Variants in ADAR observed in about 807,000 individuals in gnomAD.
ADAR encodes adenosine deaminase RNA specific.
Under a neutral mutation model 113.2 loss-of-function variants are expected in ADAR, and 41 were observed. The ratio of observed to expected loss-of-function variants is 0.36; its 90% CI spans 0.28 to 0.47. The LOEUF is 0.47. Among genes scored for constraint, ADAR ranks in the 20% least tolerant of loss-of-function variants. The probability of loss-of-function intolerance (pLI) is 1.00; values close to 1 mark genes in which losing one functional copy is unlikely to be tolerated. For missense variants in ADAR, 1,242 were observed against 1,540.9 expected, an observed-to-expected ratio of 0.81 and a Z score of 3.25; for synonymous variants, 605 against 572.6, an observed-to-expected ratio of 1.06 and a Z score of -0.81.
At position 154,598,066 on chromosome 1, in the gene ADAR, T is replaced by G. The variant is rs1482268627; in HGVS notation, c.1786-90A>C. On this transcript the variant is annotated intron_variant, in intron 3 of 14. Coordinates refer to ENST00000368474, the MANE Select transcript of ADAR (RefSeq NM_001111.5). ...GAAGGGATGGGGATGGGGGACTTTA[T>G]TCCCACCACCTGTCAAGGGGTTGGC... The G allele has an allele frequency of 5.5e-6, 8 of 1,461,930 alleles. No homozygotes were observed. The African/African-American group carries it at 1.1e-4, about 20-fold the overall frequency. 90.6% of individuals were successfully genotyped at this position (1,461,930 alleles called of 1,614,324 possible). A position where few individuals can be genotyped will look rare whatever the true frequency, so the allele number is the denominator to read the frequency against.
In ADAR at chr1:154,596,976, T is replaced by C. The variant is rs527888465; in HGVS notation, c.2099A>G (p.Glu700Gly). The change falls in exon 6 of 15, where the codon GAG (glutamate) becomes GGG (glycine). Residue 700 changes from glutamate (E) to glycine (G), a missense_variant. Glu to Gly is a moderately conservative substitution (Grantham distance 98, BLOSUM62 -2). Around this residue, in one of 2 missense-constraint regions of ADAR, gnomAD observed 780 missense variants for 1,057.9 expected, o/e 0.74. Coordinates refer to ENST00000368474, the MANE Select transcript of ADAR (RefSeq NM_001111.5). ...CATGGATTCCAAGTTATCAAGTGAC[T>C]CTGAGATCATACCTTCAGGCTAAAG... ...SDNQPEGMIS[E>G]SLDNLESMMP... The C allele has an allele frequency of 5.5e-5, 89 of 1,614,174 alleles. No homozygotes were observed. The South Asian group carries it at 9.3e-4, about 17-fold the overall frequency.
At chr1:154,603,313 C>T (rs909843318) in intron 1 of ADAR, among the ~76,000 whole-genome samples, 2 of 152,186 alleles carry the variant, frequency 1.3e-5, no homozygotes, top group Non-Finnish European at 2.9e-5. Flanking sequence ...TCACTGCCAT[C>T]CCAGGAGGAT....
At chr1:154,595,213 T>C (rs1697415840) in intron 6 of ADAR, among the ~76,000 whole-genome samples, 1 of 152,082 alleles carries the variant, frequency 6.6e-6, no homozygotes, top group Admixed American at 6.5e-5. Context: ...GCGAGGGATC[T>C]AGGCTACACG....
intron 6 of ADAR, among the ~76,000 whole-genome samples, chr1:154,596,305 C>T (rs145783618): frequency 3.6e-3 from 543 of 152,130 alleles, no homozygotes; most frequent in African/African-American, 0.012. Context: ...TGCAGTGGTG[C>T]GATCTCAGCT....
At position 154,601,995 on chromosome 1, in the gene ADAR, T is replaced by C. The variant is rs766436022; in HGVS notation, c.647A>G (p.His216Arg). The C allele has an allele frequency of 6.2e-7, 1 of 1,614,220 alleles. No individual in the cohort carries two copies. The highest frequency in any genetic ancestry group is 8.5e-7 in the Non-Finnish European group (1 of 1,180,024). The change falls in exon 2 of 15, where the codon CAT becomes CGT. Residue 216 changes from histidine to arginine, a missense_variant. Around this residue, in one of 2 missense-constraint regions of ADAR, gnomAD observed 462 missense variants for 483.1 expected, o/e 0.96. Coordinates refer to ENST00000368474, the MANE Select transcript of ADAR (RefSeq NM_001111.5). The surrounding 1 kb of genome is among the most constrained non-coding windows in gnomAD (Gnocchi z 4.7). Reference sequence around the variant, plus strand: ...GTCTGAGTTTGGGGCTCCTTGGCTATGACCGTCTGGTCTTACCACTCCGCT... The same window carrying C: ...GTCTGAGTTTGGGGCTCCTTGGCTACGACCGTCTGGTCTTACCACTCCGCT... ...QHSGVVRPDG[H>R]SQGAPNSDPS...
Position 154,589,737 on chromosome 1 carries a change from T to G in ADAR, c.2668+20A>C, listed in dbSNP as rs115805812. ...CTTTCAGGCGCCATGGGAGGCGGCA[T>G]GTCTCAGAGCCTCACTCACCTGTTC... is the stretch of plus-strand genomic sequence containing the variant. On this transcript the variant is annotated intron_variant, in intron 8 of 14. Coordinates refer to ENST00000368474, the MANE Select transcript of ADAR (RefSeq NM_001111.5). 4.1e-3 allele frequency: 6,687 copies of G among 1,614,064 alleles called. 25 individuals carry two copies. Among genetic ancestry groups the G allele is most frequent in the Non-Finnish European group, 5.2e-3 (6,148 of 1,179,994 alleles).
At chr1:154,627,941 T>G (rs1571158718) in exon 1 of ADAR, 1 of 366,024 alleles carries the variant, frequency 2.7e-6, no homozygotes, top group Non-Finnish European at 5.4e-6. Flanking sequence ...CCCCACCACG[T>G]AGCCTTCTCT....
At chr1:154,599,964 G>A (rs1235612152) in intron 2 of ADAR, among the ~76,000 whole-genome samples, 1 of 152,182 alleles carries the variant, frequency 6.6e-6, no homozygotes, top group African/African-American at 2.4e-5. Context: ...AGGGGGGATT[G>A]TGGACCTGCT....
chr1:154,597,481 A>C (rs143514821), intron 4 of ADAR, among the ~76,000 whole-genome samples: 19 of 152,090 alleles, frequency 1.2e-4, no homozygotes, highest in Non-Finnish European at 1.5e-4. Flanking sequence ...ACCTAGTTTC[A>C]CCTCTTCCAG....
chr1:154,601,319 G>A lies in ADAR; in HGVS notation c.1323C>T (p.Pro441=), dbSNP rs2101638838. 2.5e-6 allele frequency: 4 copies of A among 1,614,228 alleles called. No homozygotes were observed. Among genetic ancestry groups the A allele is most frequent in the Non-Finnish European group, 3.4e-6 (4 of 1,180,044 alleles). ...CAAAGTCAACATACCCTGCTTTTGA[G>A]GGGCCATTGTAATGAACAGGTGGTT... ...RLKPPVHYNG[P]SKAGYVDFEN... is the part of the protein sequence containing the mutation. The change falls in exon 2 of 15, where the codon CCC becomes CCT. Residue 441 remains proline, a synonymous_variant. Coordinates refer to ENST00000368474, the MANE Select transcript of ADAR (RefSeq NM_001111.5). This position sits in a 1 kb window ranked among gnomAD's most constrained non-coding sequence, Gnocchi z 4.7.
In ADAR at chr1:154,597,286, C is replaced by T. The variant is rs200651742; in HGVS notation, c.1935-19G>A. 2,144 of 1,614,046 alleles carry T rather than the reference C, an allele frequency of 1.3e-3. 4 individuals carry two copies. Among genetic ancestry groups the T allele is most frequent in the Non-Finnish European group, 1.7e-3 (1,982 of 1,180,010 alleles). On this transcript the variant is annotated intron_variant, in intron 4 of 14. Transcript: ENST00000368474. ...TTGGAACCTGACAGGAGATGAAGCA[C>T]GTAGAAGGATTAAAATGGTTTTGAC...
At chr1:154,600,235 A>G in intron 2 of ADAR, 1 of 150,474 alleles carries the variant, frequency 6.6e-6, no homozygotes, top group Admixed American at 6.7e-5. Flanking sequence ...ATCTCGGCTC[A>G]CTACAACCTC....
chr1:154,609,881 T>C (rs1235748514), upstream of ADAR, among the ~76,000 whole-genome samples: 1 of 152,220 alleles, frequency 6.6e-6, no homozygotes, highest in East Asian at 1.9e-4. Context: ...GTACTTCTTG[T>C]TCATATATCT....
In ADAR at chr1:154,608,160, G is replaced by A. The variant is rs1470021699; in HGVS notation, c.-154C>T. On this transcript the variant is annotated 5_prime_UTR_variant, in exon 1 of 15. Transcript: ENST00000368474. Reference sequence around the variant, plus strand: ...GGCACGGGAAACTCCGCGGGTCTGCGCGCCGGGCCCAAGATGGCTCCGGTT... The same window carrying A: ...GGCACGGGAAACTCCGCGGGTCTGCACGCCGGGCCCAAGATGGCTCCGGTT... 5.7e-5 allele frequency: 53 copies of A among 923,596 alleles called. No homozygotes were observed. In the East Asian group the frequency reaches 1.7e-3, roughly 29 times the overall value. The allele number at this position is 923,596 out of a possible 1,614,324, so 57.2% of individuals were successfully genotyped here.
intron 4 of ADAR, among the ~76,000 whole-genome samples, 171 bp from the exon 5 acceptor site, chr1:154,597,438 G>A (rs1418865203): frequency 2.6e-5 from 4 of 152,176 alleles, no homozygotes; most frequent in Non-Finnish European, 5.9e-5. Context: ...GTGTCTCTTA[G>A]CCTGGCTGAC....
chr1:154,587,258 G>A (rs147175582), intron 11 of ADAR, among the ~76,000 whole-genome samples: 1 of 152,174 alleles, frequency 6.6e-6, no homozygotes, highest in Admixed American at 6.5e-5. Context: ...GATCTTTTGT[G>A]ACTGGCTTTT....
intron 13 of ADAR, 154 bp from the exon 14 acceptor site, chr1:154,585,498 A>G: frequency 9.4e-7 from 1 of 1,068,624 alleles, no homozygotes; most frequent in South Asian, 1.3e-5. Flanking sequence ...AGCACCCTCT[A>G]GACATACTAA....
At chr1:154,589,017 G>C (rs1201687158) in intron 9 of ADAR, among the ~76,000 whole-genome samples, 1 of 152,228 alleles carries the variant, frequency 6.6e-6, no homozygotes, top group Non-Finnish European at 1.5e-5. Context: ...GCTGGCAGGG[G>C]CATCAAGGTT....
At chr1:154,623,429 A>G (rs1030337369) in intron 1 of ADAR, among the ~76,000 whole-genome samples, 1 of 152,190 alleles carries the variant, frequency 6.6e-6, no homozygotes, top group Admixed American at 6.5e-5. Context: ...AAGAAGTGAG[A>G]TAAGAGCACA....
Sources: gnomAD v4.1 joint callset for allele counts (sites outside exome capture counted in the v4.1 genomes callset) on GRCh38, gnomAD v4.1.1 for gene constraint, gnomAD v4.1.1 regional missense constraint, Gnocchi (gnomAD v3.1) non-coding constraint, MANE v1.5 for transcripts, NCBI Gene and HGNC (gene_info 2026-07-23, HGNC 2026-07-21) for gene names.